The following PACS1 variants were observed in gnomAD, a reference collection of about 807,000 sequenced individuals.
The protein encoded by PACS1 is PACS-1.
In PACS1, 24 loss-of-function variants were observed where a neutral mutation model predicts 115.0. The ratio of observed to expected loss-of-function variants is 0.21; its 90% CI spans 0.15 to 0.29. The LOEUF is 0.29. Among genes scored for constraint, PACS1 ranks in the 10% least tolerant of loss-of-function variants. The pLI is 1.00. For missense variants in PACS1, 838 were observed against 1,251.2 expected (o/e 0.67, Z 4.98); for synonymous variants, 453 against 504.5 (o/e 0.90, Z 1.37).
intron 1 of PACS1, among the ~76,000 whole-genome samples, chr11:66,153,327 A>G (rs1034557519): frequency 3.3e-5 from 5 of 152,176 alleles, no homozygotes; most frequent in Admixed American, 6.5e-5. Flanking sequence ...TAAAGATTTT[A>G]TAACACTCTA....
intron 1 of PACS1, among the ~76,000 whole-genome samples, chr11:66,079,162 CT>C (rs1263060887): frequency 6.6e-6 from 1 of 152,234 alleles, no homozygotes; most frequent in African/African-American, 2.4e-5. Context: ...CAGCAGATTA[CT>C]GGCGTGAGCC....
chr11:66,210,123 T>C (rs1022486048), intron 2 of PACS1, among the ~76,000 whole-genome samples: 3 of 151,956 alleles, frequency 2.0e-5, no homozygotes, highest in African/African-American at 7.2e-5. Flanking sequence ...CTTGAACTCC[T>C]GGGCTCAAGT....
At chr11:66,082,717 G>A (rs1351970870) in intron 1 of PACS1, among the ~76,000 whole-genome samples, 1 of 152,080 alleles carries the variant, frequency 6.6e-6, no homozygotes, top group Non-Finnish European at 1.5e-5. Flanking sequence ...TTAGCCGGGC[G>A]TGTGGCGGTC....
At chr11:66,170,127 G>A (rs1859701403) in intron 1 of PACS1, among the ~76,000 whole-genome samples, 2 of 150,574 alleles carry the variant, frequency 1.3e-5, no homozygotes, top group Non-Finnish European at 2.9e-5. Flanking sequence ...GTGGCATAGT[G>A]TAGTCTTATG....
At chr11:66,150,915 A>G (rs1369065283) in intron 1 of PACS1, among the ~76,000 whole-genome samples, 1 of 152,214 alleles carries the variant, frequency 6.6e-6, no homozygotes, top group Non-Finnish European at 1.5e-5. Context: ...GTTATGCATC[A>G]GTACCCATGG....
chr11:66,101,183 T>A (rs1857909020), intron 1 of PACS1, among the ~76,000 whole-genome samples: 1 of 152,246 alleles, frequency 6.6e-6, no homozygotes, highest in South Asian at 2.1e-4. Flanking sequence ...TATTTTTAAT[T>A]CATTTTTTTT....
intron 1 of PACS1, among the ~76,000 whole-genome samples, chr11:66,090,005 C>CA (rs33912143): frequency 0.11 from 8,680 of 80,498 alleles, 986 homozygotes; most frequent in African/African-American, 0.26. Context: ...GACTCCATCT[C>CA]AAAAAAAAAA....
intron 1 of PACS1, among the ~76,000 whole-genome samples, chr11:66,115,208 C>CG (rs1200894648): frequency 7.5e-5 from 6 of 80,378 alleles, no homozygotes; most frequent in African/African-American, 2.7e-4. Flanking sequence ...GACCCTATCT[C>CG]AAAAAAAAAA....
intron 1 of PACS1, among the ~76,000 whole-genome samples, chr11:66,175,835 C>G (rs1173972178): frequency 6.6e-6 from 1 of 152,156 alleles, no homozygotes; most frequent in Admixed American, 6.5e-5. Flanking sequence ...CTTCTCTACT[C>G]TTGGCATCCT....
intron 22 of PACS1, 47 bp downstream of exon 22, chr11:66,241,700 C>A: frequency 7.0e-7 from 1 of 1,438,426 alleles, no homozygotes; most frequent in Non-Finnish European, 9.7e-7. Context: ...CCAGGCCTCC[C>A]GTCTCGTCTC....
At chr11:66,201,874 G>C (rs1383022380) in intron 2 of PACS1, among the ~76,000 whole-genome samples, 1 of 152,012 alleles carries the variant, frequency 6.6e-6, no homozygotes, top group African/African-American at 2.4e-5. Context: ...GGCCAGGCTG[G>C]TCTTGAACTC....
At chr11:66,132,110 G>A (rs995538983) in intron 1 of PACS1, among the ~76,000 whole-genome samples, 4 of 152,126 alleles carry the variant, frequency 2.6e-5, no homozygotes, top group Non-Finnish European at 4.4e-5. Flanking sequence ...ATCTTGAATT[G>A]TAATCCCTGA....
At chr11:66,225,747 G>A (rs961485444) in intron 10 of PACS1, among the ~76,000 whole-genome samples, 1 of 152,156 alleles carries the variant, frequency 6.6e-6, no homozygotes, top group African/African-American at 2.4e-5. Context: ...CAGCAGACCT[G>A]TGTTATCACC....
intron 1 of PACS1, among the ~76,000 whole-genome samples, chr11:66,162,565 G>A (rs1859516628): frequency 1.3e-5 from 2 of 152,248 alleles, no homozygotes; most frequent in African/African-American, 2.4e-5. Flanking sequence ...GAAGGGGCCA[G>A]GCGGGATGCT....
chr11:66,242,160 T>C (rs1855828394), intron 22 of PACS1, among the ~76,000 whole-genome samples: 1 of 152,200 alleles, frequency 6.6e-6, no homozygotes, highest in African/African-American at 2.4e-5. Context: ...GAGTTGGAGC[T>C]GGCCCGGCTC....
chr11:66,150,605 A>G (rs538243198), intron 1 of PACS1, among the ~76,000 whole-genome samples: 5 of 152,224 alleles, frequency 3.3e-5, no homozygotes, highest in South Asian at 2.1e-4. Flanking sequence ...ATTGTTCATT[A>G]CTTGAAAACG....
chr11:66,101,959 C>T (rs1857929277), intron 1 of PACS1, among the ~76,000 whole-genome samples: 1 of 152,066 alleles, frequency 6.6e-6, no homozygotes, highest in Non-Finnish European at 1.5e-5. Flanking sequence ...TAAAAAGCTG[C>T]CAGTTTTTTA....
intron 1 of PACS1, among the ~76,000 whole-genome samples, chr11:66,097,784 G>A (rs968552386): frequency 6.6e-6 from 1 of 152,204 alleles, no homozygotes; most frequent in South Asian, 2.1e-4. Context: ...TGGAAACTCT[G>A]AGGCTTTAAT....
chr11:66,220,165 A>G, intron 8 of PACS1: 1 of 355,902 alleles, frequency 2.8e-6, no homozygotes, highest in Non-Finnish European at 5.3e-6. Context: ...GTGAGGTGGA[A>G]ATGTCCTTGT....
Sources: allele counts gnomAD v4.1 joint callset (sites outside exome capture counted in the v4.1 genomes callset), GRCh38; gene constraint gnomAD v4.1.1; transcripts MANE v1.5; gene names NCBI Gene and HGNC (gene_info 2026-07-23, HGNC 2026-07-21).